The following ARHGAP15 variants were observed in gnomAD, a reference collection of about 807,000 sequenced individuals.
ARHGAP15 encodes the protein Rho GTPase activating protein 15.
A neutral mutation model predicts 63.7 loss-of-function variants in ARHGAP15; 51 were observed. The observed-to-expected ratio is 0.80, with a 90% CI of 0.64 to 1.01. The LOEUF is 1.01. Ranked by LOEUF, ARHGAP15 falls within the 50% of genes least tolerant of loss-of-function variation. The pLI, the probability that ARHGAP15 is intolerant of heterozygous loss-of-function variation, is 0.00. For synonymous variants in ARHGAP15, 191 were observed against 193.8 expected (o/e 0.99, Z 0.12); for missense variants, 560 against 564.6 (o/e 0.99, Z 0.08).
intron 12 of ARHGAP15, among the ~76,000 whole-genome samples, chr2:143,701,013 C>T (rs1684064885): frequency 6.6e-6 from 1 of 151,978 alleles, no homozygotes; most frequent in African/African-American, 2.4e-5. Context: ...TCTCGCTCCC[C>T]TTTGTTTCTT....
At chr2:143,295,971 G>C (rs1399305935) in intron 6 of ARHGAP15, among the ~76,000 whole-genome samples, 1 of 151,952 alleles carries the variant, frequency 6.6e-6, no homozygotes. Context: ...GTGCCTCGCT[G>C]TCACCACATT....
At chr2:143,726,199 AT>A (rs1260732197) in intron 13 of ARHGAP15, among the ~76,000 whole-genome samples, 1 of 152,234 alleles carries the variant, frequency 6.6e-6, no homozygotes, top group African/African-American at 2.4e-5. Flanking sequence ...TAGTAAACAA[AT>A]ACCAGTTGGA....
At chr2:143,494,088 CTTAATT>C (rs898013715) in intron 9 of ARHGAP15, among the ~76,000 whole-genome samples, 18 of 152,020 alleles carry the variant, frequency 1.2e-4, no homozygotes, top group Admixed American at 2.0e-4. Flanking sequence ...CTGCTTGGCC[CTTAATT>C]TTAAGAATTA....
intron 6 of ARHGAP15, among the ~76,000 whole-genome samples, chr2:143,293,900 A>G (rs1682517540): frequency 6.6e-6 from 1 of 152,040 alleles, no homozygotes; most frequent in Non-Finnish European, 1.5e-5. Flanking sequence ...TGAAAGTTCT[A>G]TAGTTAAGGC....
At chr2:143,494,982 C>A (rs1306702500) in intron 9 of ARHGAP15, among the ~76,000 whole-genome samples, 1 of 152,098 alleles carries the variant, frequency 6.6e-6, no homozygotes, top group Non-Finnish European at 1.5e-5. Context: ...GAAATTTGAC[C>A]AAGCCAGGCT....
intron 11 of ARHGAP15, among the ~76,000 whole-genome samples, chr2:143,579,786 G>C (rs1696819826): frequency 6.6e-6 from 1 of 151,708 alleles, no homozygotes; most frequent in Non-Finnish European, 1.5e-5. Context: ...AATTTTAAGT[G>C]GGCAAGAATT....
intron 6 of ARHGAP15, among the ~76,000 whole-genome samples, chr2:143,298,392 T>G (rs929318319): frequency 2.0e-5 from 3 of 151,992 alleles, no homozygotes; most frequent in Non-Finnish European, 4.4e-5. Context: ...AGCACTTTGT[T>G]TTACCTTATC....
At chr2:143,530,668 C>G (rs1196481246) in intron 10 of ARHGAP15, among the ~76,000 whole-genome samples, 7 of 152,200 alleles carry the variant, frequency 4.6e-5, no homozygotes, top group Non-Finnish European at 8.8e-5. Context: ...CATCTACCAT[C>G]CACTGAATAG....
At chr2:143,473,071 C>T (rs1344532551) in intron 8 of ARHGAP15, among the ~76,000 whole-genome samples, 2 of 152,164 alleles carry the variant, frequency 1.3e-5, no homozygotes, top group East Asian at 1.9e-4. Context: ...CCCACCTCAC[C>T]CCACCTTCAG....
At chr2:143,528,503 A>G (rs1694379152) in intron 10 of ARHGAP15, among the ~76,000 whole-genome samples, 1 of 152,110 alleles carries the variant, frequency 6.6e-6, no homozygotes, top group Non-Finnish European at 1.5e-5. Context: ...GGATCTATCA[A>G]TTTGAAGTTA....
chr2:143,727,835 A>T (rs1685352330), intron 13 of ARHGAP15, among the ~76,000 whole-genome samples: 1 of 152,184 alleles, frequency 6.6e-6, no homozygotes, highest in South Asian at 2.1e-4. Context: ...ATGGAGCCTA[A>T]ATCTGGTGCT....
intron 8 of ARHGAP15, among the ~76,000 whole-genome samples, chr2:143,473,014 C>T (rs1691651745): frequency 6.6e-6 from 1 of 152,128 alleles, no homozygotes; most frequent in Non-Finnish European, 1.5e-5. Context: ...GGCTTGATGA[C>T]AGACAGTGTA....
intron 8 of ARHGAP15, among the ~76,000 whole-genome samples, chr2:143,456,245 T>A (rs1424332984): frequency 6.6e-6 from 1 of 152,128 alleles, no homozygotes; most frequent in Non-Finnish European, 1.5e-5. Flanking sequence ...CTATTAACAT[T>A]GAGACTTCTG....
chr2:143,649,557 C>T (rs944764001), intron 12 of ARHGAP15, among the ~76,000 whole-genome samples: 6 of 151,844 alleles, frequency 4.0e-5, no homozygotes, highest in Admixed American at 1.3e-4. Context: ...ATCAGCTTGC[C>T]CATTTGTAGT....
intron 8 of ARHGAP15, among the ~76,000 whole-genome samples, chr2:143,470,934 A>ATG (rs1173317788): frequency 6.9e-6 from 1 of 145,628 alleles, no homozygotes; most frequent in Non-Finnish European, 1.5e-5. Flanking sequence ...ATGTGTATAT[A>ATG]TGTGTGTATA....
intron 8 of ARHGAP15, among the ~76,000 whole-genome samples, chr2:143,468,984 T>C (rs1691384972): frequency 6.6e-6 from 1 of 152,194 alleles, no homozygotes; most frequent in Non-Finnish European, 1.5e-5. Context: ...CTATCCAGCC[T>C]TTCCTATATT....
At chr2:143,220,603 A>G (rs1397461332) in intron 4 of ARHGAP15, among the ~76,000 whole-genome samples, 1 of 152,214 alleles carries the variant, frequency 6.6e-6, no homozygotes, top group Non-Finnish European at 1.5e-5. Flanking sequence ...GCACTGCCAT[A>G]TTGCTTACCC....
chr2:143,493,880 G>A (rs1016435737), intron 9 of ARHGAP15, among the ~76,000 whole-genome samples: 2 of 152,086 alleles, frequency 1.3e-5, no homozygotes, highest in East Asian at 3.9e-4. Flanking sequence ...CCACACACTC[G>A]ATCAGTAGCT....
At chr2:143,151,512 A>G (rs1389563512) in intron 1 of ARHGAP15, among the ~76,000 whole-genome samples, 1 of 151,976 alleles carries the variant, frequency 6.6e-6, no homozygotes, top group Admixed American at 6.6e-5. Flanking sequence ...AGTTAAGGGA[A>G]AGTCTGACTG....
Sources: gnomAD v4.1 joint callset for allele counts (sites outside exome capture counted in the v4.1 genomes callset) on GRCh38, gnomAD v4.1.1 for gene constraint, MANE v1.5 for transcripts, NCBI Gene and HGNC (gene_info 2026-07-23, HGNC 2026-07-21) for gene names.